ITPR2: variants seen among roughly 807,000 people sequenced by gnomAD.
ITPR2 encodes inositol 1,4,5-trisphosphate receptor type 2, also known as inositol 1,4,5-trisphosphate-gated calcium channel ITPR2.
Under a neutral mutation model 317.1 loss-of-function variants are expected in ITPR2, and 207 were observed. The ratio of observed to expected loss-of-function variants is 0.65; its 90% CI spans 0.58 to 0.73. The LOEUF is 0.73. ITPR2 is among the 30% of genes least tolerant of loss of function. The pLI is 0.00. For synonymous variants in ITPR2, 1,156 were observed against 1,149.1 expected (o/e 1.01, Z -0.12); for missense variants, 2,613 against 3,284.0 (o/e 0.80, Z 4.99).
intron 21 of ITPR2, among the ~76,000 whole-genome samples, chr12:26,636,637 A>G (rs896282921): frequency 1.3e-5 from 2 of 152,236 alleles, no homozygotes; most frequent in Admixed American, 6.5e-5. Context: ...TTCAAAAAGC[A>G]TACATAATTT....
At chr12:26,372,025 A>T (rs1486557010) in intron 55 of ITPR2, among the ~76,000 whole-genome samples, 2 of 152,162 alleles carry the variant, frequency 1.3e-5, no homozygotes, top group Non-Finnish European at 2.9e-5. Flanking sequence ...GTTTCCCTTT[A>T]GCTCCAACCT....
intron 46 of ITPR2, among the ~76,000 whole-genome samples, chr12:26,440,882 A>T (rs942738784): frequency 2.0e-5 from 3 of 152,212 alleles, no homozygotes; most frequent in African/African-American, 7.2e-5. Flanking sequence ...AGCATGGACA[A>T]ACTGGAGGGA....
chr12:26,646,598 C>T (rs955302564), intron 21 of ITPR2, among the ~76,000 whole-genome samples: 6 of 152,180 alleles, frequency 3.9e-5, no homozygotes, highest in African/African-American at 1.4e-4. Context: ...ACCCTGCCTC[C>T]TGTCTCCGCC....
intron 26 of ITPR2, among the ~76,000 whole-genome samples, chr12:26,609,023 T>C (rs1387689829): frequency 6.6e-6 from 1 of 152,084 alleles, no homozygotes; most frequent in Non-Finnish European, 1.5e-5. Flanking sequence ...ACTGATACAT[T>C]GTATGAAGGA....
chr12:26,615,291 G>C (rs1163164355), intron 26 of ITPR2, among the ~76,000 whole-genome samples: 1 of 151,846 alleles, frequency 6.6e-6, no homozygotes, highest in African/African-American at 2.4e-5. Flanking sequence ...AACAAAGCAT[G>C]ATAAAAAATG....
At chr12:26,620,959 C>T (rs947993614) in intron 26 of ITPR2, among the ~76,000 whole-genome samples, 164 bp downstream of exon 26, 4 of 152,142 alleles carry the variant, frequency 2.6e-5, no homozygotes, top group Admixed American at 6.5e-5. Context: ...AAACAAAGTG[C>T]CAGTTTACGG....
chr12:26,434,483 C>T (rs1251253374), intron 48 of ITPR2, among the ~76,000 whole-genome samples: 2 of 152,108 alleles, frequency 1.3e-5, no homozygotes, highest in African/African-American at 2.4e-5. Context: ...GTGGCATTTC[C>T]CATCACTACA....
chr12:26,550,226 T>A, intron 37 of ITPR2, 21 bp downstream of exon 37: 1 of 1,004,276 alleles, frequency 1.0e-6, no homozygotes. Context: ...TTTTAAATAA[T>A]AAAGTTTTTT....
At chr12:26,698,656 G>A (rs1948392616) in intron 9 of ITPR2, among the ~76,000 whole-genome samples, 1 of 152,180 alleles carries the variant, frequency 6.6e-6, no homozygotes, top group South Asian at 2.1e-4. Flanking sequence ...GAAGATACAG[G>A]TCACCTGTTA....
chr12:26,567,962 ATATATATTATATATATT>A lies in ITPR2; in HGVS notation c.4631-6027_4631-6011del, dbSNP rs1565609426. Among the ~76,000 whole-genome samples the A allele has an allele frequency of 5.5e-3, 137 of 24,858 alleles. 4 individuals are homozygous for A. The highest frequency in any genetic ancestry group is 0.017 in the African/African-American group (133 of 7,684). The allele number at this position is 24,858 out of a possible 152,430, so 16.3% of individuals were successfully genotyped here. A position where few individuals can be genotyped will look rare whatever the true frequency, so the allele number is the denominator to read the frequency against. Reference sequence around the variant, plus strand: ...GTATATATATATATTATATATATATATATATATTATATATATTATATATATATATATATATTATATAT... The same window carrying A: ...GTATATATATATATTATATATATATAATATATATATATATATATTATATAT... On this transcript the variant is annotated intron_variant, in intron 34 of 56. Transcript: ENST00000381340.
chr12:26,416,851 G>A (rs543017460), intron 50 of ITPR2, among the ~76,000 whole-genome samples: 2 of 152,168 alleles, frequency 1.3e-5, no homozygotes, highest in Non-Finnish European at 2.9e-5. Context: ...CTCAGCTGAG[G>A]TTTAAAGAAA....
At chr12:26,513,748 T>TCACACACACA (rs3056894) in intron 37 of ITPR2, among the ~76,000 whole-genome samples, 1 of 149,314 alleles carries the variant, frequency 6.7e-6, no homozygotes, top group African/African-American at 2.5e-5. Flanking sequence ...TTGCCAATTA[T>TCACACACACA]CACACACACA....
At chr12:26,672,689 A>G (rs1947809059) in intron 13 of ITPR2, among the ~76,000 whole-genome samples, 1 of 152,230 alleles carries the variant, frequency 6.6e-6, no homozygotes, top group Admixed American at 6.5e-5. Context: ...AAGGCAAGAA[A>G]TAACTAAAAT....
intron 1 of ITPR2, among the ~76,000 whole-genome samples, chr12:26,824,146 G>A (rs912337580): frequency 2.0e-5 from 3 of 152,080 alleles, no homozygotes; most frequent in Non-Finnish European, 2.9e-5. Context: ...GAACACTTAC[G>A]TTAGCCTACA....
At chr12:26,684,388 T>C (rs1204448064) in intron 11 of ITPR2, among the ~76,000 whole-genome samples, 2 of 152,164 alleles carry the variant, frequency 1.3e-5, no homozygotes, top group Admixed American at 6.5e-5. Context: ...TGGTGAGGTG[T>C]CAACAATACC....
At chr12:26,670,255 T>TCCCTGAC (rs1223130193) in intron 13 of ITPR2, among the ~76,000 whole-genome samples, 90 of 152,120 alleles carry the variant, frequency 5.9e-4, no homozygotes, top group Non-Finnish European at 1.1e-3. Flanking sequence ...CTCAAGTGGG[T>TCCCTGAC]CCCTGACCCC....
intron 9 of ITPR2, among the ~76,000 whole-genome samples, chr12:26,707,500 T>C (rs181628952): frequency 0.012 from 1,806 of 152,280 alleles, 21 homozygotes; most frequent in Non-Finnish European, 0.019. Flanking sequence ...ACGACATGAC[T>C]AATGCTTTGA....
chr12:26,701,065 A>G (rs1396049472), intron 9 of ITPR2, among the ~76,000 whole-genome samples: 3 of 152,320 alleles, frequency 2.0e-5, no homozygotes, highest in Admixed American at 6.5e-5. Context: ...GAATACAGAG[A>G]CCCATTACTA....
intron 2 of ITPR2, among the ~76,000 whole-genome samples, chr12:26,783,761 G>A (rs1479120890): frequency 6.6e-6 from 1 of 152,124 alleles, no homozygotes; most frequent in Non-Finnish European, 1.5e-5. Context: ...AGTACATAAC[G>A]TCTGTGGTAG....
Sources: gnomAD v4.1 joint callset for allele counts (sites outside exome capture counted in the v4.1 genomes callset) on GRCh38, gnomAD v4.1.1 for gene constraint, MANE v1.5 for transcripts, NCBI Gene and HGNC (gene_info 2026-07-23, HGNC 2026-07-21) for gene names.